Variants in BICC1 observed in about 807,000 individuals in gnomAD.
BICC1 encodes protein bicaudal C homolog 1.
Under a neutral mutation model 111.0 loss-of-function variants are expected in BICC1, and 43 were observed. The observed-to-expected ratio is 0.39, with a 90% confidence interval of 0.30 to 0.50. The LOEUF (loss-of-function observed/expected upper bound fraction) is 0.50. Ranked by LOEUF, BICC1 falls within the 20% of genes least tolerant of loss-of-function variation. The pLI is 0.88. For synonymous variants in BICC1, 467 were observed against 434.4 expected (o/e 1.07, Z -0.93); for missense variants, 1,091 against 1,203.2 (o/e 0.91, Z 1.38).
rs141140671 is a variant in BICC1, at chr10:58,513,305, C to T, written c.162C>T (p.Asp54=). Residue 54 remains aspartate, a synonymous_variant, in exon 1 of 21, where the codon GAC becomes GAT. Transcript: ENST00000373886. Reference sequence around the variant, plus strand: ...GGAGCGAGGAGCGCTTCCGCGTGGACAGGAAGAAACTTGAGGCCATGTTAC... The same window carrying T: ...GGAGCGAGGAGCGCTTCCGCGTGGATAGGAAGAAACTTGAGGCCATGTTAC... ...PEWSEERFRV[D]RKKLEAMLQA... 20 of 1,609,944 alleles carry T rather than the reference C, an allele frequency of 1.2e-5. No homozygotes were observed. The highest frequency in any genetic ancestry group is 1.5e-5 in the Non-Finnish European group (18 of 1,177,770).
intron 1 of BICC1, among the ~76,000 whole-genome samples, chr10:58,616,208 G>A (rs1845599975): frequency 6.6e-6 from 1 of 152,224 alleles, no homozygotes. Context: ...GAGGCTGTTA[G>A]TGAGACCGAG....
intron 1 of BICC1, among the ~76,000 whole-genome samples, chr10:58,522,429 A>G (rs1053408424): frequency 1.2e-4 from 18 of 152,228 alleles, no homozygotes; most frequent in African/African-American, 4.1e-4. Flanking sequence ...CTACTTGGAA[A>G]CTGAACAACC....
At chr10:58,758,141 G>A (rs1019605772) in intron 3 of BICC1, among the ~76,000 whole-genome samples, 1 of 152,128 alleles carries the variant, frequency 6.6e-6, no homozygotes, top group African/African-American at 2.4e-5. Context: ...ACCTAGGTCA[G>A]TAGCCGTCAT....
At chr10:58,570,975 C>T (rs921031071) in intron 1 of BICC1, among the ~76,000 whole-genome samples, 1 of 152,084 alleles carries the variant, frequency 6.6e-6, no homozygotes, top group African/African-American at 2.4e-5. Flanking sequence ...TTGCTTGATT[C>T]TGGTCATTTT....
chr10:58,820,156 C>T (rs573661811), intron 19 of BICC1, among the ~76,000 whole-genome samples: 1 of 152,026 alleles, frequency 6.6e-6, no homozygotes, highest in Non-Finnish European at 1.5e-5. Context: ...CTATAGTTGC[C>T]GGGTTGCTCA....
chr10:58,830,771 G>T lies in BICC1; in HGVS notation c.*1880G>T, dbSNP rs192379785. On this transcript the variant is annotated 3_prime_UTR_variant, in exon 21 of 21. Transcript: ENST00000373886. ...CTGAATCACTCCCTTTACTCATCCT[G>T]TGCATATGTGTACAAATGGTCATGT... is the stretch of plus-strand genomic sequence containing the variant. 1 of 152,140 alleles carries T rather than the reference G, an allele frequency of 6.6e-6. No homozygotes were observed. The allele number at this position is 152,140 out of a possible 1,614,324, so 9.4% of individuals were successfully genotyped here.
intron 3 of BICC1, among the ~76,000 whole-genome samples, chr10:58,720,298 C>T (rs1840898290): frequency 6.6e-6 from 1 of 152,190 alleles, no homozygotes; most frequent in South Asian, 2.1e-4. Flanking sequence ...TTATTTACTA[C>T]AAGAGTGTTC....
chr10:58,776,021 G>A (rs1387164749), intron 3 of BICC1, among the ~76,000 whole-genome samples: 2 of 152,206 alleles, frequency 1.3e-5, no homozygotes, highest in South Asian at 2.1e-4. Context: ...TTTAATGCCA[G>A]TCTCAAGTTG....
intron 2 of BICC1, among the ~76,000 whole-genome samples, chr10:58,673,576 G>T (rs1216360961): frequency 2.0e-5 from 3 of 152,098 alleles, no homozygotes; most frequent in Middle Eastern, 3.2e-3. Flanking sequence ...GATTCTGGTA[G>T]TAGCACCATC....
chr10:58,583,878 T>C (rs11006192), intron 1 of BICC1, among the ~76,000 whole-genome samples: 77,943 of 151,906 alleles, frequency 0.51, 20,242 homozygotes, highest in Admixed American at 0.65. Context: ...TACTAGTTTA[T>C]ACTCCCACCA....
chr10:58,760,186 A>G (rs918308993), intron 3 of BICC1, among the ~76,000 whole-genome samples: 9 of 152,164 alleles, frequency 5.9e-5, no homozygotes, highest in Non-Finnish European at 1.0e-4. Flanking sequence ...TTGTTGCCAG[A>G]TCTAAGAATG....
intron 2 of BICC1, among the ~76,000 whole-genome samples, chr10:58,641,459 T>C (rs1304182391): frequency 1.3e-5 from 2 of 152,112 alleles, no homozygotes; most frequent in Non-Finnish European, 2.9e-5. Context: ...TTGACTTCTT[T>C]TTTTTCTTTC....
intron 3 of BICC1, among the ~76,000 whole-genome samples, chr10:58,766,955 G>A (rs1043893775): frequency 6.6e-6 from 1 of 151,572 alleles, no homozygotes; most frequent in African/African-American, 2.4e-5. Flanking sequence ...GTGGGGATGG[G>A]GGTGGCGGAA....
At chr10:58,742,448 T>C (rs2132609909) in intron 3 of BICC1, among the ~76,000 whole-genome samples, 1 of 145,910 alleles carries the variant, frequency 6.9e-6, no homozygotes, top group Admixed American at 6.8e-5. Flanking sequence ...TTTTTTTTTT[T>C]TTTTTTTGAG....
At chr10:58,560,873 CTTAT>C (rs1338463094) in intron 1 of BICC1, among the ~76,000 whole-genome samples, 2 of 151,736 alleles carry the variant, frequency 1.3e-5, no homozygotes, top group African/African-American at 4.8e-5. Context: ...TTCCAAAGTT[CTTAT>C]TTATTCCTAG....
At chr10:58,732,407 A>G (rs186942737) in intron 3 of BICC1, among the ~76,000 whole-genome samples, 358 of 25,678 alleles carry the variant, frequency 0.014, 27 homozygotes, top group Admixed American at 0.032. Context: ...ATATATATAT[A>G]TATATATATA....
intron 17 of BICC1, among the ~76,000 whole-genome samples, chr10:58,808,043 G>A (rs184088472): frequency 2.7e-5 from 4 of 150,324 alleles, no homozygotes; most frequent in Admixed American, 2.0e-4. Flanking sequence ...AATAAATTAG[G>A]CTATTGATGA....
intron 1 of BICC1, among the ~76,000 whole-genome samples, chr10:58,616,872 T>C (rs977634044): frequency 3.3e-5 from 5 of 152,258 alleles, no homozygotes; most frequent in African/African-American, 4.8e-5. Flanking sequence ...AATGATATTA[T>C]GCTAACTTCT....
chr10:58,513,902 G>C (rs1199309135), intron 1 of BICC1, among the ~76,000 whole-genome samples: 1 of 152,224 alleles, frequency 6.6e-6, no homozygotes, highest in East Asian at 1.9e-4. Context: ...CAGCCAAAGC[G>C]AGGGGGGAGT....
Sources: allele counts gnomAD v4.1 joint callset (sites outside exome capture counted in the v4.1 genomes callset), GRCh38; gene constraint gnomAD v4.1.1; transcripts MANE v1.5; gene names NCBI Gene and HGNC (gene_info 2026-07-23, HGNC 2026-07-21).